Variants in APOOL observed in about 807,000 individuals in gnomAD.
The protein encoded by APOOL is apolipoprotein O like, also known as MICOS complex subunit MIC27.
A neutral mutation model predicts 23.1 loss-of-function variants in APOOL; 12 were observed. That is an observed-to-expected ratio of 0.52 (90% CI 0.33 to 0.84). The LOEUF (loss-of-function observed/expected upper bound fraction) is 0.84. APOOL is among the 40% of genes least tolerant of loss of function. The pLI is 0.02. For synonymous variants in APOOL, 77 were observed against 69.9 expected (o/e 1.10, Z -0.51); for missense variants, 212 against 199.6 (o/e 1.06, Z -0.37).
At chrX:85,008,684 G>T (rs1220124593) in intron 1 of APOOL, among the ~76,000 whole-genome samples, 1 of 110,327 alleles carries the variant, frequency 9.1e-6, no homozygotes, top group Non-Finnish European at 1.9e-5. Context: ...ATATGGGAGT[G>T]CAGATATCTT....
chrX:85,014,596 A>G lies in APOOL; in HGVS notation c.15+10669A>G, dbSNP rs1029451556. Among the ~76,000 whole-genome samples the G allele has an allele frequency of 3.6e-5, 4 of 109,873 alleles. No individual in the cohort carries two copies. In the East Asian group the frequency reaches 1.1e-3, roughly 31 times the overall value. On this transcript the variant is annotated intron_variant, in intron 1 of 8. Transcript: ENST00000373173. Reference sequence around the variant, plus strand: ...TTTATGAAGTTTAGGTTTGCTGGAAACAAAATTACTGGCTGACAATTATTT... The same window carrying G: ...TTTATGAAGTTTAGGTTTGCTGGAAGCAAAATTACTGGCTGACAATTATTT...
chrX:85,067,064 A>G (rs1484051223), intron 5 of APOOL, 63 bp from the exon 6 acceptor site: 5 of 732,318 alleles, frequency 6.8e-6, no homozygotes, highest in African/African-American at 6.4e-5. Context: ...GCATTACGGT[A>G]TAAGAACATC....
intron 1 of APOOL, among the ~76,000 whole-genome samples, chrX:85,017,546 A>C (rs1921519777): frequency 9.0e-6 from 1 of 111,050 alleles, no homozygotes; most frequent in Admixed American, 9.6e-5. Context: ...TCTGCTCAAG[A>C]ATGTTTGTGC....
At chrX:85,061,252 G>A (rs867290798) in intron 5 of APOOL, among the ~76,000 whole-genome samples, 24 of 111,274 alleles carry the variant, frequency 2.2e-4, no homozygotes, top group African/African-American at 7.5e-4. Flanking sequence ...TGGTGGGTAA[G>A]CATTTTGATG....
chrX:85,069,072 A>G (rs1923571652), intron 6 of APOOL, among the ~76,000 whole-genome samples: 1 of 112,069 alleles, frequency 8.9e-6, no homozygotes, highest in African/African-American at 3.2e-5. Context: ...TAATTTTTAA[A>G]TGTTCTTCTA....
At chrX:85,045,949 T>C (rs1470839782) in intron 1 of APOOL, among the ~76,000 whole-genome samples, 1 of 111,608 alleles carries the variant, frequency 9.0e-6, no homozygotes, top group African/African-American at 3.2e-5. Context: ...ATTTATCAAC[T>C]TATAATATAA....
At chrX:85,063,299 C>A (rs1052478292) in intron 5 of APOOL, among the ~76,000 whole-genome samples, 1 of 111,592 alleles carries the variant, frequency 9.0e-6, no homozygotes, top group Admixed American at 9.6e-5. Flanking sequence ...GGGATCATAT[C>A]ATCGGCAAAC....
At chrX:85,019,281 G>A (rs747650498) in intron 1 of APOOL, among the ~76,000 whole-genome samples, 5 of 111,991 alleles carry the variant, frequency 4.5e-5, no homozygotes, top group Admixed American at 1.9e-4. Flanking sequence ...AAGATATTGA[G>A]TCATGAGGGC....
intron 6 of APOOL, among the ~76,000 whole-genome samples, chrX:85,073,125 A>G (rs180790449): frequency 9.0e-6 from 1 of 111,690 alleles, no homozygotes; most frequent in East Asian, 2.8e-4. Context: ...TTATATTAGT[A>G]TATTACTTAA....
Position 85,092,327 on chromosome X carries a change from G to T in APOOL, c.*4649G>T. The T allele has an allele frequency of 9.1e-7, 1 of 1,103,375 alleles. No homozygotes were observed. The highest frequency in any genetic ancestry group is 3.2e-5 in the Admixed American group (1 of 30,812). 90.9% of individuals were successfully genotyped at this position (1,103,375 alleles called of 1,213,427 possible). A position where few individuals can be genotyped will look rare whatever the true frequency, so the allele number is the denominator to read the frequency against. On this transcript the variant is annotated 3_prime_UTR_variant, in exon 9 of 9. Coordinates refer to ENST00000373173, the MANE Select transcript of APOOL (RefSeq NM_198450.6). ...TATTGTACAACAAAGTCAAACTGCT[G>T]TTAGACTCAGGTGACAGTCAAATGT...
chrX:85,017,810 T>C (rs768291608), intron 1 of APOOL, among the ~76,000 whole-genome samples: 1 of 112,186 alleles, frequency 8.9e-6, no homozygotes, highest in African/African-American at 3.2e-5. Context: ...TCTGGATTTT[T>C]AGATTCCCCA....
At chrX:85,051,755 A>G (rs922705106) in intron 3 of APOOL, among the ~76,000 whole-genome samples, 3 of 111,962 alleles carry the variant, frequency 2.7e-5, no homozygotes, top group Non-Finnish European at 5.6e-5. Context: ...TAGACAGTCC[A>G]AGACAGCTTT....
intron 8 of APOOL, among the ~76,000 whole-genome samples, chrX:85,084,894 A>G (rs918507047): frequency 7.2e-5 from 8 of 111,060 alleles, no homozygotes; most frequent in Non-Finnish European, 1.3e-4. Context: ...ACGTAAAATA[A>G]TTATTTGTCA....
chrX:85,056,973 C>T (rs1236410511), intron 5 of APOOL, among the ~76,000 whole-genome samples: 8 of 111,271 alleles, frequency 7.2e-5, no homozygotes, highest in Admixed American at 6.7e-4. Context: ...TTGAGAATGC[C>T]ATCTAAATGG....
chrX:85,060,735 C>A (rs1030455913), intron 5 of APOOL, among the ~76,000 whole-genome samples: 1 of 111,534 alleles, frequency 9.0e-6, no homozygotes, highest in Non-Finnish European at 1.9e-5. Flanking sequence ...ATTTTTCTAT[C>A]CTGAGACTTT....
intron 1 of APOOL, among the ~76,000 whole-genome samples, chrX:85,021,248 C>T (rs978242005): frequency 3.2e-4 from 35 of 110,868 alleles, no homozygotes; most frequent in African/African-American, 1.2e-3. Context: ...AGGACCCAGG[C>T]TGGCCCCAGA....
intron 8 of APOOL, among the ~76,000 whole-genome samples, chrX:85,082,749 C>T (rs1284701626): frequency 9.0e-6 from 1 of 111,679 alleles, no homozygotes; most frequent in Non-Finnish European, 1.9e-5. Flanking sequence ...TATGGTTCAC[C>T]AAGTCAAAAA....
At chrX:85,077,372 CT>C (rs1188553409) in intron 8 of APOOL, among the ~76,000 whole-genome samples, 2 of 109,042 alleles carry the variant, frequency 1.8e-5, no homozygotes, top group Non-Finnish European at 3.8e-5. Context: ...GTTTTCTGTC[CT>C]TTTGATAGTC....
At chrX:85,056,279 A>G (rs1922959834) in intron 5 of APOOL, among the ~76,000 whole-genome samples, 3 of 111,262 alleles carry the variant, frequency 2.7e-5, no homozygotes, top group Admixed American at 1.9e-4. Flanking sequence ...CTGCCAGAAT[A>G]TGGGGGTCAT....
Sources: gnomAD v4.1 joint callset for allele counts (sites outside exome capture counted in the v4.1 genomes callset) on GRCh38, gnomAD v4.1.1 for gene constraint, MANE v1.5 for transcripts, NCBI Gene and HGNC (gene_info 2026-07-23, HGNC 2026-07-21) for gene names.